The following NPHP3 variants were observed in gnomAD, a reference collection of about 807,000 sequenced individuals.
NPHP3 encodes nephrocystin-3.
A neutral mutation model predicts 171.9 loss-of-function variants in NPHP3; 123 were observed. The observed-to-expected ratio is 0.72, with a 90% CI of 0.62 to 0.83. The LOEUF (loss-of-function observed/expected upper bound fraction) is 0.83, where lower values mean the gene tolerates loss of function less well. Ranked by LOEUF, NPHP3 falls within the 40% of genes least tolerant of loss-of-function variation. NPHP3 has a pLI of 0.00. For missense variants in NPHP3, 1,506 were observed against 1,591.9 expected (o/e 0.95, Z 0.92); for synonymous variants, 558 against 579.2 (o/e 0.96, Z 0.52).
chr3:132,689,203 C>T lies in NPHP3; in HGVS notation c.2754G>A (p.Met918Ile). ...TCAATGAATCGAAGTATTCTGTTGC[C>T]ATTGCACTTTTGTCTTTGCCAACAA... ...WQFVGKDKSA[M>I]ATEYFDSLKQ... The change falls in exon 20 of 27, where the codon ATG becomes ATA. Residue 918 changes from methionine (M) to isoleucine (I), a missense_variant. By Grantham distance (10) the Met-to-Ile change is conservative (BLOSUM62 1). Around this residue, in one of 3 missense-constraint regions of NPHP3, gnomAD observed 569 missense variants for 648.1 expected, o/e 0.88. Coordinates refer to ENST00000337331, the MANE Select transcript of NPHP3 (RefSeq NM_153240.5). The T allele has an allele frequency of 6.2e-7, 1 of 1,614,134 alleles. No individual in the cohort carries two copies. The highest frequency in any genetic ancestry group is 1.1e-5 in the South Asian group (1 of 91,084).
At chr3:132,714,976 T>C (rs955465368) in intron 5 of NPHP3, 109 bp downstream of exon 5, 1 of 886,756 alleles carries the variant, frequency 1.1e-6, no homozygotes, top group African/African-American at 1.7e-5. Flanking sequence ...CTTTAAGACA[T>C]ATAATCTAGT....
intron 8 of NPHP3, among the ~76,000 whole-genome samples, chr3:132,705,104 T>C (rs1313985169): frequency 6.6e-6 from 1 of 152,232 alleles, no homozygotes; most frequent in Non-Finnish European, 1.5e-5. Context: ...CTAAACATGG[T>C]ACATCTTCCC....
intron 9 of NPHP3, among the ~76,000 whole-genome samples, chr3:132,701,772 C>T (rs1939613240): frequency 3.3e-5 from 5 of 152,168 alleles, no homozygotes; most frequent in Admixed American, 3.3e-4. Context: ...CCTGTAATCC[C>T]AGCACTTTGG....
chr3:132,709,586 A>G (rs1445179259), intron 6 of NPHP3, among the ~76,000 whole-genome samples: 1 of 152,034 alleles, frequency 6.6e-6, no homozygotes, highest in African/African-American at 2.4e-5. Context: ...TGCAGCCCAC[A>G]TCTACTGGGG....
In NPHP3 at chr3:132,690,703, C is replaced by G. The variant is rs1393559791; in HGVS notation, c.2571-53G>C. On this transcript the variant is annotated intron_variant, in intron 18 of 26. Coordinates refer to ENST00000337331, the MANE Select transcript of NPHP3 (RefSeq NM_153240.5). ...ATATCTTCCTACAATGAGACTGCTT[C>G]AAAAAGGCTTCAGGCAAATGTCAAA... 3 of 1,589,260 alleles carry G rather than the reference C, an allele frequency of 1.9e-6. No homozygotes were observed. In the African/African-American group the frequency reaches 4.0e-5, roughly 21 times the overall value.
At position 132,700,401 on chromosome 3, in the gene NPHP3, T is replaced by C. The variant is rs369051133; in HGVS notation, c.1676A>G (p.His559Arg). 3 of 1,613,338 alleles carry C rather than the reference T, an allele frequency of 1.9e-6. No individual in the cohort carries two copies. In the African/African-American group the frequency reaches 4.0e-5, roughly 22 times the overall value. The change falls in exon 11 of 27, where the codon CAT becomes CGT. Residue 559 changes from histidine to arginine, a missense_variant. This residue lies in a region of NPHP3 where 930 missense variants were observed against 924.9 expected (regional missense o/e 1.01). Coordinates refer to ENST00000337331, the MANE Select transcript of NPHP3 (RefSeq NM_153240.5). ...KNSPNTLILS[H>R]FVGRPMSTSS... Reference sequence around the variant, plus strand: ...GGTTGACATGGGCCTTCCCACAAAATGGGAAAGAATCAGTGTGTTGGGGGA... The same window carrying C: ...GGTTGACATGGGCCTTCCCACAAAACGGGAAAGAATCAGTGTGTTGGGGGA...
chr3:132,714,984 A>T (rs374596986), intron 5 of NPHP3, 101 bp downstream of exon 5: 1 of 944,392 alleles, frequency 1.1e-6, no homozygotes, highest in Non-Finnish European at 1.7e-6. Context: ...CATATAATCT[A>T]GTAGGAAACT....
At chr3:132,684,903 T>C in intron 23 of NPHP3, 109 bp from the exon 24 acceptor site, 1 of 1,323,704 alleles carries the variant, frequency 7.6e-7, no homozygotes, top group Non-Finnish European at 1.1e-6. Context: ...AGATTCTAGT[T>C]AAAATAAGAG....
chr3:132,700,510 A>C lies in NPHP3; in HGVS notation c.1629-62T>G, dbSNP rs936709478. ...AAGTTCCTTGACTGTCAATAAAAAA[A>C]GAATTCACAATGCAGTAAACATCAA... On this transcript the variant is annotated intron_variant, in intron 10 of 26. Coordinates refer to ENST00000337331, the MANE Select transcript of NPHP3 (RefSeq NM_153240.5). 1.5e-5 allele frequency: 15 copies of C among 990,382 alleles called. No individual in the cohort carries two copies. In the Admixed American group the frequency reaches 3.0e-4, roughly 20 times the overall value. The allele number at this position is 990,382 out of a possible 1,614,324, so 61.3% of individuals were successfully genotyped here. A position where few individuals can be genotyped will look rare whatever the true frequency, so the allele number is the denominator to read the frequency against.
At chr3:132,721,650 G>C in intron 1 of NPHP3, 2 of 518,938 alleles carry the variant, frequency 3.9e-6, no homozygotes, top group Non-Finnish European at 7.1e-6. Context: ...AAATAGAAAA[G>C]CGGGGACCAG....
At chr3:132,702,959 G>T (rs888836694) in intron 9 of NPHP3, among the ~76,000 whole-genome samples, 1 of 152,158 alleles carries the variant, frequency 6.6e-6, no homozygotes, top group East Asian at 1.9e-4. Context: ...AAAGAACGAG[G>T]TTCAACTCCC....
In NPHP3 at chr3:132,682,780, T is replaced by C. The variant is rs1353061108; in HGVS notation, c.3735A>G (p.Ala1245=). Residue 1245 remains alanine (A), a synonymous_variant, in exon 26 of 27, where the codon GCA becomes GCG. Transcript: ENST00000337331. ...CCAGGCTATCTTCATAAATCTTTAA[T>C]GCTCTTTCATATAATGGCAAAGCTT... ...HVEALPLYER[A]LKIYEDSLGR... 1 of 1,613,014 alleles carries C rather than the reference T, an allele frequency of 6.2e-7. No homozygotes were observed. Among genetic ancestry groups the C allele is most frequent in the East Asian group, 2.2e-5 (1 of 44,848 alleles).
At chr3:132,714,782 T>G (rs1940005550) in intron 5 of NPHP3, among the ~76,000 whole-genome samples, 1 of 152,160 alleles carries the variant, frequency 6.6e-6, no homozygotes, top group Non-Finnish European at 1.5e-5. Flanking sequence ...TTCCAACACC[T>G]TAGTTTGACA....
At chr3:132,715,507 C>T (rs1940025951) in intron 4 of NPHP3, among the ~76,000 whole-genome samples, 1 of 152,164 alleles carries the variant, frequency 6.6e-6, no homozygotes, top group South Asian at 2.1e-4. Flanking sequence ...AGTTGGTTAC[C>T]TGAAGTTAGC....
At chr3:132,688,549 A>C in intron 21 of NPHP3, 101 bp downstream of exon 21, 1 of 1,281,594 alleles carries the variant, frequency 7.8e-7, no homozygotes, top group Non-Finnish European at 1.1e-6. Flanking sequence ...GCACAGGGTA[A>C]GGAAAAGTAC....
At chr3:132,684,087 G>A (rs1939098040) in intron 24 of NPHP3, among the ~76,000 whole-genome samples, 1 of 152,116 alleles carries the variant, frequency 6.6e-6, no homozygotes, top group Non-Finnish European at 1.5e-5. Context: ...ACTCAGTATA[G>A]AACCCTATGG....
chr3:132,690,344 T>C (rs939247551), intron 19 of NPHP3, among the ~76,000 whole-genome samples, 184 bp downstream of exon 19: 2 of 152,224 alleles, frequency 1.3e-5, no homozygotes, highest in Non-Finnish European at 2.9e-5. Context: ...CAGTACTCTA[T>C]GTTTTCCTCT....
chr3:132,716,950 T>C (rs368156144), intron 3 of NPHP3, 41 bp from the exon 4 acceptor site: 57 of 1,606,824 alleles, frequency 3.5e-5, no homozygotes, highest in South Asian at 3.0e-4. Context: ...AGCCAACTTA[T>C]TGAATGTTCA....
chr3:132,708,520 T>TA (rs1421165412), intron 6 of NPHP3, among the ~76,000 whole-genome samples: 1 of 152,258 alleles, frequency 6.6e-6, no homozygotes, highest in African/African-American at 2.4e-5. Context: ...CATAAAACTT[T>TA]ATTTTTTAAA....
Sources: gnomAD v4.1 joint callset for allele counts (sites outside exome capture counted in the v4.1 genomes callset) on GRCh38, gnomAD v4.1.1 for gene constraint, gnomAD v4.1.1 regional missense constraint, MANE v1.5 for transcripts, NCBI Gene and HGNC (gene_info 2026-07-23, HGNC 2026-07-21) for gene names.